The following RALYL variants were observed in gnomAD, a reference collection of about 807,000 sequenced individuals.
The protein encoded by RALYL is RNA-binding Raly-like protein.
A neutral mutation model predicts 35.1 loss-of-function variants in RALYL; 29 were observed. The ratio of observed to expected loss-of-function variants is 0.83; its 90% confidence interval spans 0.61 to 1.13. RALYL has a LOEUF of 1.13. RALYL is among the 50% of genes most tolerant of loss of function. The pLI, the probability that RALYL is intolerant of heterozygous loss-of-function variation, is 0.00. For synonymous variants in RALYL, 120 were observed against 127.6 expected (o/e 0.94, Z 0.40); for missense variants, 359 against 360.4 (o/e 1.00, Z 0.03).
At chr8:84,680,568 G>A (rs1212930618) in intron 2 of RALYL, among the ~76,000 whole-genome samples, 1 of 152,172 alleles carries the variant, frequency 6.6e-6, no homozygotes, top group Non-Finnish European at 1.5e-5. Flanking sequence ...GTATCTCATT[G>A]TGGTTTTGAT....
At chr8:84,771,191 A>G (rs907132453) in intron 2 of RALYL, among the ~76,000 whole-genome samples, 1 of 151,936 alleles carries the variant, frequency 6.6e-6, no homozygotes, top group African/African-American at 2.4e-5. Context: ...CAATATTTCA[A>G]TATTTCCTAT....
At chr8:84,580,724 T>A (rs750575100) in intron 2 of RALYL, among the ~76,000 whole-genome samples, 1 of 152,210 alleles carries the variant, frequency 6.6e-6, no homozygotes, top group Non-Finnish European at 1.5e-5. Context: ...TTATTATGAA[T>A]ATTGTTTAAA....
At chr8:84,667,642 AT>A (rs1262193277) in intron 2 of RALYL, among the ~76,000 whole-genome samples, 5 of 151,918 alleles carry the variant, frequency 3.3e-5, no homozygotes, top group East Asian at 1.9e-4. Context: ...AGTCCATTAC[AT>A]TTTTTTTCCC....
intron 5 of RALYL, among the ~76,000 whole-genome samples, chr8:84,852,480 A>T (rs1022064298): frequency 6.6e-6 from 1 of 152,184 alleles, no homozygotes; most frequent in Non-Finnish European, 1.5e-5. Context: ...CTTTTTGACA[A>T]GTTTAAAGAC....
chr8:84,227,964 G>C (rs1259100311), intron 1 of RALYL, among the ~76,000 whole-genome samples: 1 of 152,024 alleles, frequency 6.6e-6, no homozygotes, highest in East Asian at 1.9e-4. Context: ...AGATCATAGA[G>C]AAGGCTTACT....
chr8:84,492,415 G>A (rs1451554890), intron 1 of RALYL, among the ~76,000 whole-genome samples: 4 of 151,940 alleles, frequency 2.6e-5, no homozygotes, highest in African/African-American at 9.7e-5. Context: ...TGTTCCAAAA[G>A]CAAACTAAAA....
intron 2 of RALYL, among the ~76,000 whole-genome samples, chr8:84,723,483 A>G (rs1589207588): frequency 1.3e-5 from 2 of 152,112 alleles, no homozygotes; most frequent in African/African-American, 4.8e-5. Flanking sequence ...TCCAGTTTTT[A>G]TAAACATAAC....
At chr8:84,727,511 G>A (rs887395928) in intron 2 of RALYL, among the ~76,000 whole-genome samples, 4 of 151,176 alleles carry the variant, frequency 2.6e-5, no homozygotes, top group African/African-American at 9.7e-5. Flanking sequence ...TAGGGTACAT[G>A]TGCACAATGT....
intron 2 of RALYL, among the ~76,000 whole-genome samples, chr8:84,710,598 G>A (rs899411726): frequency 1.3e-5 from 2 of 149,304 alleles, no homozygotes; most frequent in Non-Finnish European, 2.9e-5. Flanking sequence ...CACTGCACTC[G>A]GCCTCAGTTC....
At chr8:84,549,754 T>C (rs570957800) in intron 2 of RALYL, among the ~76,000 whole-genome samples, 2 of 152,204 alleles carry the variant, frequency 1.3e-5, no homozygotes, top group Non-Finnish European at 2.9e-5. Context: ...CAGTCTAGGG[T>C]AGGGAGGGCA....
chr8:84,586,948 G>A (rs931837398), intron 2 of RALYL, among the ~76,000 whole-genome samples: 4 of 151,962 alleles, frequency 2.6e-5, no homozygotes, highest in African/African-American at 9.7e-5. Flanking sequence ...GAGCAACATG[G>A]GTGTCTCAAC....
At position 84,887,687 on chromosome 8, in the gene RALYL, G is replaced by GC; in HGVS notation, c.769_770insC (p.Glu257AlafsTer4). ...AGAGATTGCAGATCACTCTACAGAG[G>GC]AGCCTGCTGAAGGAGGGCCAGATGC... On this transcript the variant is annotated frameshift_variant, in exon 8 of 9. Coordinates refer to ENST00000521268, the MANE Select transcript of RALYL (RefSeq NM_173848.7). LOFTEE classifies it high-confidence loss of function. 1 of 1,613,868 alleles carries GC rather than the reference G, an allele frequency of 6.2e-7. No homozygotes were observed. The highest frequency in any genetic ancestry group is 8.5e-7 in the Non-Finnish European group (1 of 1,179,794).
At chr8:84,810,288 A>G (rs1225501843) in intron 4 of RALYL, among the ~76,000 whole-genome samples, 1 of 151,986 alleles carries the variant, frequency 6.6e-6, no homozygotes, top group Non-Finnish European at 1.5e-5. Flanking sequence ...TGTATTTGCA[A>G]GGTTTTGAAG....
intron 5 of RALYL, among the ~76,000 whole-genome samples, chr8:84,855,414 C>G (rs1836761184): frequency 6.6e-6 from 1 of 152,170 alleles, no homozygotes; most frequent in East Asian, 1.9e-4. Flanking sequence ...GCTTAGAAAA[C>G]TTCTTTACAC....
intron 4 of RALYL, among the ~76,000 whole-genome samples, chr8:84,806,110 A>C (rs1334379988): frequency 1.3e-5 from 2 of 152,108 alleles, no homozygotes; most frequent in Non-Finnish European, 2.9e-5. Context: ...ATTCCTTTCT[A>C]CTCTTCATAA....
At chr8:84,417,849 C>A (rs922467176) in intron 1 of RALYL, among the ~76,000 whole-genome samples, 1 of 152,040 alleles carries the variant, frequency 6.6e-6, no homozygotes, top group Non-Finnish European at 1.5e-5. Context: ...AAAATCCTAG[C>A]AAGTATTTTA....
intron 1 of RALYL, among the ~76,000 whole-genome samples, chr8:84,447,457 C>T (rs1251249100): frequency 6.6e-6 from 1 of 152,004 alleles, no homozygotes; most frequent in Non-Finnish European, 1.5e-5. Context: ...CACAGGCCCA[C>T]AGTGTGTGGC....
intron 2 of RALYL, among the ~76,000 whole-genome samples, chr8:84,671,495 CA>C (rs1283303914): frequency 1.3e-5 from 2 of 152,200 alleles, no homozygotes; most frequent in Non-Finnish European, 2.9e-5. Flanking sequence ...ATCCCTGCAG[CA>C]AACTTCTGCC....
intron 1 of RALYL, among the ~76,000 whole-genome samples, chr8:84,200,868 A>G (rs1295574088): frequency 1.3e-5 from 2 of 152,190 alleles, no homozygotes; most frequent in Non-Finnish European, 2.9e-5. Context: ...ACAAACTATG[A>G]GTATATTGTT....
Sources: allele counts gnomAD v4.1 joint callset (sites outside exome capture counted in the v4.1 genomes callset), GRCh38; gene constraint gnomAD v4.1.1; transcripts MANE v1.5; gene names NCBI Gene and HGNC (gene_info 2026-07-23, HGNC 2026-07-21).